The following TRIQK variants were observed in gnomAD, a reference collection of about 807,000 sequenced individuals.
TRIQK encodes the protein triple QxxK/R motif containing, also known as triple QxxK/R motif-containing protein.
Under a neutral mutation model 10.8 loss-of-function variants are expected in TRIQK, and 10 were observed. The ratio of observed to expected loss-of-function variants is 0.92; its 90% CI spans 0.57 to 1.57. The LOEUF (loss-of-function observed/expected upper bound fraction) is 1.57, where lower values mean the gene tolerates loss of function less well. Ranked by LOEUF, TRIQK falls within the 40% of genes most tolerant of loss-of-function variation. The pLI, the probability that TRIQK is intolerant of heterozygous loss-of-function variation, is 0.00. For missense variants in TRIQK, 107 were observed against 97.7 expected (o/e 1.09, Z -0.40); for synonymous variants, 33 against 33.7 (o/e 0.98, Z 0.07).
chr8:92,933,600 A>G (rs1018615868), intron 2 of TRIQK, among the ~76,000 whole-genome samples: 6 of 152,136 alleles, frequency 3.9e-5, no homozygotes, highest in African/African-American at 7.2e-5. Flanking sequence ...ATGGGTAGAT[A>G]AAAGAATAAA....
chr8:92,999,445 C>T (rs1227504011), intron 1 of TRIQK, among the ~76,000 whole-genome samples: 1 of 152,122 alleles, frequency 6.6e-6, no homozygotes, highest in Non-Finnish European at 1.5e-5. Flanking sequence ...ATCCATTTTA[C>T]AGAAATTTGG....
intron 1 of TRIQK, among the ~76,000 whole-genome samples, chr8:92,997,187 A>G (rs914097017): frequency 6.6e-6 from 1 of 152,054 alleles, no homozygotes; most frequent in Non-Finnish European, 1.5e-5. Context: ...GAACTGAGAG[A>G]GGAGGTCCAC....
At chr8:92,992,368 C>T (rs966995499) in intron 1 of TRIQK, among the ~76,000 whole-genome samples, 1 of 152,118 alleles carries the variant, frequency 6.6e-6, no homozygotes. Context: ...CTGCCTCTAC[C>T]GGGAGCCTTG....
At chr8:93,011,175 T>TAC (rs1813328579) in intron 1 of TRIQK, among the ~76,000 whole-genome samples, 1 of 127,424 alleles carries the variant, frequency 7.8e-6, no homozygotes, top group Non-Finnish European at 1.7e-5. Flanking sequence ...TGTATACACA[T>TAC]ACATACACAC....
chr8:92,925,220 C>T (rs1213716213), intron 2 of TRIQK, among the ~76,000 whole-genome samples: 1 of 152,020 alleles, frequency 6.6e-6, no homozygotes, highest in Non-Finnish European at 1.5e-5. Flanking sequence ...AAATATTTAA[C>T]CCCTATCTCA....
chr8:93,009,792 G>T (rs1223534677), intron 1 of TRIQK, among the ~76,000 whole-genome samples: 1 of 150,256 alleles, frequency 6.7e-6, no homozygotes, highest in Non-Finnish European at 1.5e-5. Context: ...ATATCCAAAG[G>T]AAAAAAAAAT....
At chr8:92,956,673 T>C (rs1307143021) in intron 1 of TRIQK, among the ~76,000 whole-genome samples, 1 of 151,812 alleles carries the variant, frequency 6.6e-6, no homozygotes, top group Admixed American at 6.6e-5. Context: ...TCATCTACCA[T>C]AATTACATAA....
At chr8:92,974,645 T>G (rs1812911840) in intron 1 of TRIQK, 1 of 152,222 alleles carries the variant, frequency 6.6e-6, no homozygotes, top group South Asian at 2.1e-4. Flanking sequence ...TTGAAGGAGC[T>G]CCATCACATC....
chr8:92,932,564 T>C (rs1291678018), intron 2 of TRIQK, among the ~76,000 whole-genome samples: 4 of 152,150 alleles, frequency 2.6e-5, no homozygotes, highest in African/African-American at 4.8e-5. Context: ...TTTGAAACTA[T>C]GTAAATATCC....
At chr8:92,891,845 T>C (rs918521707) in intron 4 of TRIQK, 144 bp downstream of exon 4, 5 of 614,558 alleles carry the variant, frequency 8.1e-6, no homozygotes, top group South Asian at 2.3e-5. Context: ...AAGTAAATTC[T>C]TTACAAAAAC....
intron 4 of TRIQK, 102 bp downstream of exon 4, chr8:92,891,887 A>G: frequency 1.2e-6 from 1 of 815,842 alleles, no homozygotes; most frequent in Non-Finnish European, 1.8e-6. Context: ...TAGATTGTGA[A>G]ATGTCATAAA....
intron 3 of TRIQK, among the ~76,000 whole-genome samples, chr8:92,913,246 C>G (rs912793842): frequency 9.9e-5 from 15 of 152,028 alleles, no homozygotes; most frequent in Non-Finnish European, 1.9e-4. Context: ...GCATTTAACA[C>G]AAAGTTCACC....
intron 1 of TRIQK, among the ~76,000 whole-genome samples, chr8:93,007,407 A>G (rs1341156075): frequency 6.6e-6 from 1 of 152,232 alleles, no homozygotes; most frequent in African/African-American, 2.4e-5. Context: ...AAGCTAGATA[A>G]ACTAACGAAG....
intron 4 of TRIQK, among the ~76,000 whole-genome samples, chr8:92,890,601 T>A (rs1203736227): frequency 2.0e-5 from 3 of 151,780 alleles, no homozygotes; most frequent in South Asian, 4.1e-4. Flanking sequence ...ATAAAAAAGA[T>A]GTGTGTGTAT....
chr8:92,984,628 G>A (rs1392907116), intron 1 of TRIQK, among the ~76,000 whole-genome samples: 2 of 152,014 alleles, frequency 1.3e-5, no homozygotes, highest in East Asian at 3.9e-4. Context: ...TATTTCCTTT[G>A]CAATAAATCA....
chr8:92,909,767 A>C (rs1424786603), intron 3 of TRIQK, among the ~76,000 whole-genome samples: 3 of 151,782 alleles, frequency 2.0e-5, no homozygotes, highest in Non-Finnish European at 4.4e-5. Flanking sequence ...AGTTAAATAG[A>C]AGATGTTATA....
intron 2 of TRIQK, among the ~76,000 whole-genome samples, chr8:92,945,682 T>G (rs1222967082): frequency 6.6e-6 from 1 of 152,196 alleles, no homozygotes; most frequent in African/African-American, 2.4e-5. Flanking sequence ...TGTATATAGA[T>G]ACATATTTGT....
At chr8:93,017,290 A>G (rs1408779665) in intron 1 of TRIQK, among the ~76,000 whole-genome samples, 1 of 152,176 alleles carries the variant, frequency 6.6e-6, no homozygotes, top group Non-Finnish European at 1.5e-5. Flanking sequence ...TCACTTCAGG[A>G]CTAAGTAAGA....
chr8:92,979,138 C>T (rs569336436), intron 1 of TRIQK, among the ~76,000 whole-genome samples: 1 of 152,216 alleles, frequency 6.6e-6, no homozygotes, highest in South Asian at 2.1e-4. Flanking sequence ...CAGTTGGAAT[C>T]ATCTTTAAGC....
Sources: gnomAD v4.1 joint callset for allele counts (sites outside exome capture counted in the v4.1 genomes callset) on GRCh38, gnomAD v4.1.1 for gene constraint, MANE v1.5 for transcripts, NCBI Gene and HGNC (gene_info 2026-07-23, HGNC 2026-07-21) for gene names.